The following GALNT13 variants were observed in gnomAD, a reference collection of about 807,000 sequenced individuals.
GALNT13 encodes UDP-GalNAc:polypeptide N-acetylgalactosaminyltransferase 13.
Under a neutral mutation model 64.2 loss-of-function variants are expected in GALNT13, and 28 were observed. The observed-to-expected ratio is 0.44, with a 90% CI of 0.32 to 0.60. The LOEUF is 0.60. GALNT13 is among the 20% of genes least tolerant of loss of function. GALNT13 has a pLI of 0.05. For synonymous variants in GALNT13, 214 were observed against 224.6 expected, an observed-to-expected ratio of 0.95 and a Z score of 0.42; for missense variants, 577 against 669.8, an observed-to-expected ratio of 0.86 and a Z score of 1.53.
At chr2:153,531,450 A>G in the GALNT13 span, among the ~76,000 whole-genome samples, 4 of 152,118 alleles carry the variant, frequency 2.6e-5, no homozygotes, top group Non-Finnish European at 4.4e-5. Flanking sequence ...AACTGCCCCC[A>G]TGGTCTGATC....
At chr2:153,561,414 T>A in the GALNT13 span, among the ~76,000 whole-genome samples, 3 of 152,150 alleles carry the variant, frequency 2.0e-5, no homozygotes, top group South Asian at 6.2e-4. Flanking sequence ...TAAAATCCAT[T>A]TATGTTTTAT....
chr2:153,480,667 G>GA, the GALNT13 span, among the ~76,000 whole-genome samples: 85 of 152,188 alleles, frequency 5.6e-4, 2 homozygotes, highest in South Asian at 0.017. Flanking sequence ...TGTATACATG[G>GA]AAAAAATTAC....
At chr2:153,959,097 C>T (rs1692767569) in intron 3 of GALNT13, among the ~76,000 whole-genome samples, 1 of 152,216 alleles carries the variant, frequency 6.6e-6, no homozygotes, top group Admixed American at 6.5e-5. Context: ...CAGAAAAAGG[C>T]AAGACCAATA....
At chr2:153,947,628 G>A (rs1419693408) in intron 3 of GALNT13, among the ~76,000 whole-genome samples, 1 of 151,776 alleles carries the variant, frequency 6.6e-6, no homozygotes. Flanking sequence ...CCATTCTGTA[G>A]GTTGTCTGTT....
At chr2:154,432,178 A>G (rs575838553) in intron 11 of GALNT13, among the ~76,000 whole-genome samples, 2 of 152,344 alleles carry the variant, frequency 1.3e-5, no homozygotes, top group African/African-American at 2.4e-5. Flanking sequence ...ACCTAGTCAC[A>G]TTATAAAACA....
chr2:154,313,038 A>G (rs960668527), intron 9 of GALNT13, among the ~76,000 whole-genome samples: 8 of 145,818 alleles, frequency 5.5e-5, no homozygotes, highest in African/African-American at 2.2e-4. Context: ...AAAATATTGA[A>G]TTGAAGATGG....
the GALNT13 span, among the ~76,000 whole-genome samples, chr2:153,741,424 G>C: frequency 6.6e-6 from 1 of 151,772 alleles, no homozygotes; most frequent in African/African-American, 2.4e-5. Flanking sequence ...ATTATACTCT[G>C]ATTCTCAGAG....
chr2:153,800,078 C>G, the GALNT13 span, among the ~76,000 whole-genome samples: 1 of 150,508 alleles, frequency 6.6e-6, no homozygotes, highest in East Asian at 1.9e-4. Context: ...CTCTCTCTCT[C>G]TCTCTCCACC....
chr2:154,285,256 CT>C (rs1692197117), intron 8 of GALNT13, among the ~76,000 whole-genome samples: 1 of 151,984 alleles, frequency 6.6e-6, no homozygotes, highest in African/African-American at 2.4e-5. Context: ...CTTTTGTTGC[CT>C]ATACTTTTGG....
chr2:153,285,604 AG>A, the GALNT13 span, among the ~76,000 whole-genome samples: 1 of 152,218 alleles, frequency 6.6e-6, no homozygotes, highest in Non-Finnish European at 1.5e-5. Flanking sequence ...TTGTAAGAAA[AG>A]GCTCTTATTA....
intron 4 of GALNT13, among the ~76,000 whole-genome samples, chr2:154,225,179 TAG>T: frequency 6.6e-6 from 1 of 151,632 alleles, no homozygotes; most frequent in Non-Finnish European, 1.5e-5. Context: ...GATAGATAGA[TAG>T]ATAGATAGAT....
chr2:154,266,559 A>C (rs1293636449), intron 8 of GALNT13, among the ~76,000 whole-genome samples: 1 of 152,024 alleles, frequency 6.6e-6, no homozygotes, highest in African/African-American at 2.4e-5. Context: ...AAAGATGTGC[A>C]AGACCTCTAT....
At chr2:153,658,045 A>C in the GALNT13 span, among the ~76,000 whole-genome samples, 1 of 152,106 alleles carries the variant, frequency 6.6e-6, no homozygotes, top group Non-Finnish European at 1.5e-5. Flanking sequence ...TTCACATAGG[A>C]TCACCAACAA....
At chr2:153,255,044 G>T in the GALNT13 span, among the ~76,000 whole-genome samples, 2 of 152,032 alleles carry the variant, frequency 1.3e-5, no homozygotes, top group Non-Finnish European at 2.9e-5. Flanking sequence ...CTGTCTCGTT[G>T]ATCTGTCTAA....
chr2:153,539,870 A>T, the GALNT13 span, among the ~76,000 whole-genome samples: 1 of 152,192 alleles, frequency 6.6e-6, no homozygotes, highest in Non-Finnish European at 1.5e-5. Flanking sequence ...TGTCAGGCAG[A>T]AGAAATTTCT....
rs1559076326 is a variant in GALNT13, at chr2:154,298,795, T to TATATA, written c.976-2614_976-2613insATATA. Among the ~76,000 whole-genome samples the TATATA allele has an allele frequency of 5.7e-3, 551 of 96,384 alleles. 149 individuals carry two copies. Among genetic ancestry groups the TATATA allele is most frequent in the Middle Eastern group, 0.041 (3 of 74 alleles). 63.2% of individuals were successfully genotyped at this position (96,384 alleles called of 152,430 possible). On this transcript the variant is annotated intron_variant, in intron 8 of 12. Coordinates refer to ENST00000392825, the MANE Select transcript of GALNT13 (RefSeq NM_052917.4). ...ATATATTTATTTATATATTATATTA[T>TATATA]TTATATATAAATTATATATTATTTA... is the stretch of plus-strand genomic sequence containing the variant.
At chr2:154,437,644 C>T (rs1021594516) in intron 11 of GALNT13, 17 of 608,116 alleles carry the variant, frequency 2.8e-5, no homozygotes, top group Non-Finnish European at 4.0e-5. Flanking sequence ...ATCATGAGGT[C>T]GGGAGATTGA....
chr2:154,051,805 T>C lies in GALNT13; in HGVS notation c.143-88532T>C, dbSNP rs186807457. 2.9e-3 allele frequency among the ~76,000 whole-genome samples: 446 copies of C among 152,344 alleles called. 1 individual carries two copies. The highest frequency in any genetic ancestry group is 4.7e-3 in the Non-Finnish European group (318 of 68,028). ...TGTAAATTCACTCCAGCATGTGAGC[T>C]ATATGTTCTAAGTAAACAATGTGAT... On this transcript the variant is annotated intron_variant, in intron 3 of 12. Transcript: ENST00000392825.
intron 2 of GALNT13, among the ~76,000 whole-genome samples, chr2:153,920,469 TA>T (rs1689678856): frequency 1.3e-5 from 2 of 152,030 alleles, no homozygotes; most frequent in East Asian, 3.9e-4. Flanking sequence ...TTATACTACA[TA>T]AAAATATCAA....
Sources: gnomAD v4.1 joint callset for allele counts (sites outside exome capture counted in the v4.1 genomes callset) on GRCh38, gnomAD v4.1.1 for gene constraint, MANE v1.5 for transcripts, NCBI Gene and HGNC (gene_info 2026-07-23, HGNC 2026-07-21) for gene names.